The following STAMBPL1 variants were observed in gnomAD, a reference collection of about 807,000 sequenced individuals.
The protein encoded by STAMBPL1 is AMSH-like protease.
In STAMBPL1, 44 loss-of-function variants were observed where a neutral mutation model predicts 52.9. The observed-to-expected ratio is 0.83, with a 90% confidence interval of 0.65 to 1.07. The LOEUF (loss-of-function observed/expected upper bound fraction) is 1.07, where lower values mean the gene tolerates loss of function less well. STAMBPL1 is among the 50% of genes least tolerant of loss of function. STAMBPL1 has a pLI of 0.00. For synonymous variants in STAMBPL1, 164 were observed against 177.3 expected, an observed-to-expected ratio of 0.92 and a Z score of 0.60; for missense variants, 511 against 520.8, an observed-to-expected ratio of 0.98 and a Z score of 0.18.
At chr10:88,892,228 C>G (rs932117117) in intron 1 of STAMBPL1, among the ~76,000 whole-genome samples, 1 of 152,118 alleles carries the variant, frequency 6.6e-6, no homozygotes, top group Non-Finnish European at 1.5e-5. Context: ...CAGTGAGTCT[C>G]AAGTTTTAAT....
chr10:88,915,778 GA>G (rs1196383390), intron 7 of STAMBPL1, among the ~76,000 whole-genome samples: 12 of 152,278 alleles, frequency 7.9e-5, no homozygotes, highest in African/African-American at 2.9e-4. Flanking sequence ...TTGTAACTGG[GA>G]AATCTAACCT....
chr10:88,909,897 A>G (rs2133188344), intron 4 of STAMBPL1, among the ~76,000 whole-genome samples: 1 of 152,216 alleles, frequency 6.6e-6, no homozygotes, highest in South Asian at 2.1e-4. Flanking sequence ...CACCGCACCC[A>G]GCCAACTTTT....
rs1844969990 is a variant in STAMBPL1 at position 88,902,535 on chromosome 10, C to A, written c.30+797C>A. Among the ~76,000 whole-genome samples, 3 of 151,996 alleles carry A rather than the reference C, an allele frequency of 2.0e-5. No homozygotes were observed. The South Asian group carries it at 6.2e-4, about 32-fold the overall frequency. ...ACCAGGACATAAAGAAAGAGAGGGCCTGGTTCTTGTACTGAAATAGGTTGT... is the reference window on the plus strand; with the variant it reads ...ACCAGGACATAAAGAAAGAGAGGGCATGGTTCTTGTACTGAAATAGGTTGT... On this transcript the variant is annotated intron_variant, in intron 2 of 10. Coordinates refer to ENST00000371926, the MANE Select transcript of STAMBPL1 (RefSeq NM_020799.4).
At chr10:88,910,253 A>G (rs1192685584) in intron 4 of STAMBPL1, among the ~76,000 whole-genome samples, 2 of 152,200 alleles carry the variant, frequency 1.3e-5, no homozygotes, top group African/African-American at 2.4e-5. Context: ...AGCTGGTTGC[A>G]TAATACCGAA....
chr10:88,913,016 C>G, intron 5 of STAMBPL1, 85 bp from the exon 6 acceptor site: 1 of 1,164,870 alleles, frequency 8.6e-7, no homozygotes, highest in South Asian at 1.5e-5. Context: ...TTTTCTCTGT[C>G]TGCTTGAAGA....
At chr10:88,889,765 T>C (rs538329393) in intron 1 of STAMBPL1, among the ~76,000 whole-genome samples, 10 of 152,368 alleles carry the variant, frequency 6.6e-5, no homozygotes, top group African/African-American at 2.4e-4. Context: ...AAATTAACAC[T>C]GACACAATAC....
At position 88,916,782 on chromosome 10, in the gene STAMBPL1, G is replaced by A. The variant is rs1589378266; in HGVS notation, c.1006G>A (p.Asp336Asn). ...ENVEELFNVQ[D>N]QHDLLTLGWI... ...TGTAGAGGAATTATTCAATGTTCAGGATCAACATGATCTCCTCACTCTAGG... is the reference window on the plus strand; with the variant it reads ...TGTAGAGGAATTATTCAATGTTCAGAATCAACATGATCTCCTCACTCTAGG... Residue 336 changes from aspartate (D) to asparagine (N), a missense_variant, in exon 8 of 11, where the codon GAT (aspartate) becomes AAT (asparagine). Asp to Asn is a conservative substitution (Grantham distance 23). Coordinates refer to ENST00000371926, the MANE Select transcript of STAMBPL1 (RefSeq NM_020799.4). 2.5e-6 allele frequency: 4 copies of A among 1,608,880 alleles called. No individual in the cohort carries two copies. Among genetic ancestry groups the A allele is most frequent in the African/African-American group, 2.7e-5 (2 of 74,708 alleles).
At chr10:88,908,877 G>A in intron 4 of STAMBPL1, 100 bp downstream of exon 4, 2 of 969,512 alleles carry the variant, frequency 2.1e-6, no homozygotes, top group South Asian at 4.0e-5. Flanking sequence ...TCTCTTGAGA[G>A]TTTGAGCGCA....
chr10:88,914,677 A>T lies in STAMBPL1; in HGVS notation c.903+19A>T, dbSNP rs1031807180. The T allele has an allele frequency of 2.0e-4, 170 of 851,318 alleles. No homozygotes were observed. The East Asian group carries it at 2.8e-3, about 14-fold the overall frequency. The allele number at this position is 851,318 out of a possible 1,614,324, so 52.7% of individuals were successfully genotyped here. A position where few individuals can be genotyped will look rare whatever the true frequency, so the allele number is the denominator to read the frequency against. ...AAAACTGGTATGATCTTTTTATATA[A>T]ATATATATATATATATATCTGCATA... is the stretch of plus-strand genomic sequence containing the variant. On this transcript the variant is annotated intron_variant, in intron 7 of 10. Transcript: ENST00000371926.
chr10:88,922,685 A>T (rs1034394195), intron 10 of STAMBPL1, among the ~76,000 whole-genome samples: 12 of 152,170 alleles, frequency 7.9e-5, no homozygotes. Context: ...CTTTCCGCTT[A>T]TGTATATGTA....
chr10:88,880,984 C>T (rs966947925), intron 1 of STAMBPL1, among the ~76,000 whole-genome samples: 36 of 151,986 alleles, frequency 2.4e-4, no homozygotes, highest in African/African-American at 8.7e-4. Context: ...TTGGTTCAGC[C>T]CTGGGTTGCA....
In STAMBPL1 at chr10:88,913,093, C is replaced by G; in HGVS notation, c.421-8C>G. 2 of 1,564,512 alleles carry G rather than the reference C, an allele frequency of 1.3e-6. No homozygotes were observed. The highest frequency in any genetic ancestry group is 1.7e-6 in the Non-Finnish European group (2 of 1,157,054). Reference sequence around the variant, plus strand: ...CTAACCTTCTCTTCTGGCTGCCACACTTTTTAGAACAAATATAAAGCTGAA... The same window carrying G: ...CTAACCTTCTCTTCTGGCTGCCACAGTTTTTAGAACAAATATAAAGCTGAA... On this transcript the variant is annotated splice_region_variant and splice_polypyrimidine_tract_variant and intron_variant, in intron 5 of 10. Transcript: ENST00000371926.
intron 1 of STAMBPL1, among the ~76,000 whole-genome samples, chr10:88,892,040 T>C (rs1221205245): frequency 6.6e-6 from 1 of 151,970 alleles, no homozygotes; most frequent in East Asian, 1.9e-4. Context: ...AAAGGTGTCT[T>C]ATAGAATAAA....
At chr10:88,882,346 G>T (rs936471222) in intron 1 of STAMBPL1, 1 of 152,170 alleles carries the variant, frequency 6.6e-6, no homozygotes, top group Non-Finnish European at 1.5e-5. Flanking sequence ...CTTTGGGGTT[G>T]ATTCCTAAGA....
chr10:88,902,887 C>T (rs1447714650), intron 2 of STAMBPL1, among the ~76,000 whole-genome samples: 1 of 152,052 alleles, frequency 6.6e-6, no homozygotes, highest in Non-Finnish European at 1.5e-5. Flanking sequence ...TTTTTCTTGA[C>T]CAAGAAAGTC....
rs772516111 is a variant in STAMBPL1, at chr10:88,905,632, G to T, written c.220G>T (p.Ala74Ser). ...TTTGGAAGAAGGAAATTTGGAAAATGCCTTTGTTCTTTATAATAAATTTAT... is the reference window on the plus strand; with the variant it reads ...TTTGGAAGAAGGAAATTTGGAAAATTCCTTTGTTCTTTATAATAAATTTAT... ...VYLEEGNLEN[A>S]FVLYNKFITL... The change falls in exon 3 of 11, where the codon GCC becomes TCC. Residue 74 changes from alanine (A) to serine (S), a missense_variant. By Grantham distance (99) the Ala-to-Ser change is moderately conservative. This residue lies in a region of STAMBPL1 where 358 missense variants were observed against 343.5 expected (regional missense o/e 1.04). Transcript: ENST00000371926. 1.2e-5 allele frequency: 20 copies of T among 1,613,810 alleles called. No homozygotes were observed. The Admixed American group carries it at 3.0e-4, about 24-fold the overall frequency.
intron 1 of STAMBPL1, among the ~76,000 whole-genome samples, chr10:88,887,557 C>T (rs1347314087): frequency 2.6e-5 from 4 of 152,126 alleles, no homozygotes; most frequent in Non-Finnish European, 4.4e-5. Context: ...AAACAAGGGT[C>T]GTGGTCTGTC....
intron 7 of STAMBPL1, among the ~76,000 whole-genome samples, chr10:88,915,602 G>A (rs1051842196): frequency 6.6e-6 from 1 of 152,168 alleles, no homozygotes; most frequent in African/African-American, 2.4e-5. Flanking sequence ...AACATTTACC[G>A]AATATCTAAA....
chr10:88,910,698 G>A (rs1350919595), intron 4 of STAMBPL1, among the ~76,000 whole-genome samples: 1 of 152,204 alleles, frequency 6.6e-6, no homozygotes, highest in East Asian at 1.9e-4. Context: ...AATCAGTGGG[G>A]CCAATAAAGG....
Sources: allele counts gnomAD v4.1 joint callset (sites outside exome capture counted in the v4.1 genomes callset), GRCh38; gene constraint gnomAD v4.1.1; regional missense constraint gnomAD v4.1.1; transcripts MANE v1.5; gene names NCBI Gene and HGNC (gene_info 2026-07-23, HGNC 2026-07-21).